Variants in FSCN3 observed in about 807,000 individuals in gnomAD.
FSCN3 encodes fascin-3.
A neutral mutation model predicts 53.5 loss-of-function variants in FSCN3; 43 were observed. The ratio of observed to expected loss-of-function variants is 0.80; its 90% CI spans 0.63 to 1.04. The LOEUF is 1.04. Among genes scored for constraint, FSCN3 ranks in the 50% least tolerant of loss-of-function variants. FSCN3 has a pLI of 0.00. For synonymous variants in FSCN3, 235 were observed against 246.6 expected (o/e 0.95, Z 0.44); for missense variants, 594 against 646.5 (o/e 0.92, Z 0.88).
intron 6 of FSCN3, 116 bp downstream of exon 6, chr7:127,600,515 T>C (rs1173384765): frequency 3.1e-6 from 2 of 636,754 alleles, no homozygotes; most frequent in African/African-American, 1.8e-5. Flanking sequence ...CCAGGCTGAC[T>C]TCTGTCCCAT....
At chr7:127,598,617 C>G in intron 4 of FSCN3, 23 bp downstream of exon 4, 2 of 1,571,186 alleles carry the variant, frequency 1.3e-6, no homozygotes, top group Non-Finnish European at 1.7e-6. Context: ...GCCTTCCTGC[C>G]AGATGATTCC....
At position 127,599,524 on chromosome 7, in the gene FSCN3, T is replaced by C. The variant is rs761269365; in HGVS notation, c.1264T>C (p.Cys422Arg). The stretch of plus-strand genomic sequence containing the variant: ...GCCCGACCGCATTCATCTACTACCC[T>C]GCCGACCGGGTATCTACCACTTCCA... ...DQPDRIHLLP[C>R]RPGIYHFQAQ... The change falls in exon 5 of 7, where the codon TGC becomes CGC. Residue 422 changes from cysteine to arginine, a missense_variant. Cys to Arg is a radical substitution (Grantham distance 180). Coordinates refer to ENST00000265825, the MANE Select transcript of FSCN3 (RefSeq NM_020369.3). The C allele has an allele frequency of 6.2e-7, 1 of 1,614,076 alleles. No homozygotes were observed. The highest frequency in any genetic ancestry group is 8.5e-7 in the Non-Finnish European group (1 of 1,179,966).
rs767140639 is a variant in FSCN3, at chr7:127,595,913, A to G, written c.751A>G (p.Met251Val). ...HLLLGMGCNP[M>V]RGEEWFILQH... ...GCTCTTGGGCATGGGCTGCAACCCC[A>G]TGAGGGGTGAGGAGTGGTTCATCCT... Residue 251 changes from methionine to valine, a missense_variant, in exon 2 of 7, where the codon ATG (methionine) becomes GTG (valine). Met to Val is a conservative substitution (Grantham distance 21, BLOSUM62 1). Transcript: ENST00000265825. The G allele has an allele frequency of 1.2e-6, 2 of 1,611,926 alleles. No homozygotes were observed. The highest frequency in any genetic ancestry group is 1.7e-4 in the Middle Eastern group (1 of 6,052).
intron 2 of FSCN3, 94 bp downstream of exon 2, chr7:127,596,097 C>G: frequency 6.7e-7 from 1 of 1,484,020 alleles, no homozygotes; most frequent in Non-Finnish European, 8.9e-7. Context: ...TTTGAGTCTG[C>G]TAATAAGGAA....
chr7:127,601,206 G>C (rs73720863), intron 6 of FSCN3, among the ~76,000 whole-genome samples: 10,953 of 152,130 alleles, frequency 0.072, 1,173 homozygotes, highest in African/African-American at 0.23. Flanking sequence ...TGCTTCTAGG[G>C]CTCCCCGAAA....
At chr7:127,595,248 T>C (rs1794367820) in intron 1 of FSCN3, 59 bp from the exon 2 acceptor site, 2 of 1,478,502 alleles carry the variant, frequency 1.4e-6, no homozygotes, top group African/African-American at 2.8e-5. Context: ...GTTGCAGGGC[T>C]CCTTGGTCTG....
At chr7:127,597,744 C>T (rs191050107) in intron 3 of FSCN3, among the ~76,000 whole-genome samples, 22 of 152,294 alleles carry the variant, frequency 1.4e-4, no homozygotes, top group African/African-American at 5.3e-4. Flanking sequence ...TCCCAAAGTG[C>T]TGGGATTACA....
intron 1 of FSCN3, chr7:127,594,453 C>T (rs1235552772): frequency 4.3e-6 from 2 of 470,232 alleles, no homozygotes; most frequent in Non-Finnish European, 8.8e-6. Context: ...CTTGCCCTTG[C>T]TGCCTTGTCC....
rs781774563 is a variant in FSCN3 at position 127,595,574 on chromosome 7, C to G, written c.412C>G (p.Pro138Ala). Residue 138 changes from proline (P) to alanine (A), a missense_variant, in exon 2 of 7, where the codon CCC becomes GCC. Physicochemically the swap from Pro to Ala is conservative, Grantham distance 27. Coordinates refer to ENST00000265825, the MANE Select transcript of FSCN3 (RefSeq NM_020369.3). Reference protein sequence around the residue: ...HVLSAYHMWTPRPALHVHVIL... With the variant: ...HVLSAYHMWTARPALHVHVIL... ...CCTCTCAGCTTACCACATGTGGACC[C>G]CCCGACCAGCCCTCCATGTCCACGT... is the stretch of plus-strand genomic sequence containing the variant. The G allele has an allele frequency of 1.9e-6, 3 of 1,614,162 alleles. No homozygotes were observed. The highest frequency in any genetic ancestry group is 2.5e-6 in the Non-Finnish European group (3 of 1,180,004).
rs376914564 is a variant in FSCN3 at position 127,596,003 on chromosome 7, G to A, written c.841G>A (p.Asp281Asn). Residue 281 changes from aspartate to asparagine, a missense_variant and splice_region_variant, in exon 2 of 7, where the codon GAT becomes AAT. Asp to Asn is a conservative substitution (Grantham distance 23). Coordinates refer to ENST00000265825, the MANE Select transcript of FSCN3 (RefSeq NM_020369.3). ...TGGGCGGTTCATCTCAGTCATCTAC[G>A]GCAAGTGCTGGACCCAACACAGATG... Reference protein sequence around the residue: ...KTGRFISVIYDGEVRAASERL... With the variant: ...KTGRFISVIYNGEVRAASERL... 10 of 1,543,882 alleles carry A rather than the reference G, an allele frequency of 6.5e-6. No individual in the cohort carries two copies. Among genetic ancestry groups the A allele is most frequent in the South Asian group, 5.0e-5 (4 of 79,252 alleles).
chr7:127,596,520 T>C (rs1587540974), intron 3 of FSCN3, 74 bp downstream of exon 3: 5 of 670,674 alleles, frequency 7.5e-6, no homozygotes, highest in Non-Finnish European at 5.3e-6. Flanking sequence ...CTTCTCCTTT[T>C]TCAAGGCAAA....
At chr7:127,595,046 TG>T (rs1215938643) in intron 1 of FSCN3, 135 of 577,448 alleles carry the variant, frequency 2.3e-4, no homozygotes, top group Non-Finnish European at 3.7e-4. Context: ...TTCTGTTAGC[TG>T]AAGGAGGTAG....
rs748609905 is a variant in FSCN3 at position 127,595,393 on chromosome 7, G to A, written c.231G>A (p.Glu77=). Residue 77 remains glutamate, a synonymous_variant, in exon 2 of 7, where the codon GAG becomes GAA. Coordinates refer to ENST00000265825, the MANE Select transcript of FSCN3 (RefSeq NM_020369.3). ...KSVQGLYLLC[E]CDGTVCYGRP... Reference sequence around the variant, plus strand: ...TGCAGGGCCTCTACCTGCTGTGTGAGTGTGATGGCACCGTGTGTTATGGCC... The same window carrying A: ...TGCAGGGCCTCTACCTGCTGTGTGAATGTGATGGCACCGTGTGTTATGGCC... 1.9e-6 allele frequency: 3 copies of A among 1,614,208 alleles called. No homozygotes were observed. The highest frequency in any genetic ancestry group is 2.2e-5 in the East Asian group (1 of 44,892).
rs1328219351 is a variant in FSCN3 at position 127,601,632 on chromosome 7, A to T, written c.*10A>T. 1 of 152,178 alleles carries T rather than the reference A, an allele frequency of 6.6e-6. No homozygotes were observed. Among genetic ancestry groups the T allele is most frequent in the Admixed American group, 6.5e-5 (1 of 15,270 alleles). The allele number at this position is 152,178 out of a possible 1,614,324, so 9.4% of individuals were successfully genotyped here. A position where few individuals can be genotyped will look rare whatever the true frequency, so the allele number is the denominator to read the frequency against. On this transcript the variant is annotated 3_prime_UTR_variant, in exon 7 of 7. Transcript: ENST00000265825. ...CCTCTTTCCTCTCCAGGTCAATGGGATGTCACCTACCAAAATCCAAATCCT... is the reference window on the plus strand; with the variant it reads ...CCTCTTTCCTCTCCAGGTCAATGGGTTGTCACCTACCAAAATCCAAATCCT...
intron 3 of FSCN3, 162 bp downstream of exon 3, chr7:127,596,608 A>C: frequency 2.3e-6 from 1 of 428,812 alleles, no homozygotes; most frequent in Non-Finnish European, 4.2e-6. Context: ...TCCTTTAAAA[A>C]AAAAAAACAA....
At chr7:127,599,990 T>A (rs558015336) in intron 5 of FSCN3, among the ~76,000 whole-genome samples, 1 of 150,786 alleles carries the variant, frequency 6.6e-6, no homozygotes, top group African/African-American at 2.4e-5. Context: ...GTTTTCACAC[T>A]TCAAAGCCCC....
rs562625706 is a variant in FSCN3, at chr7:127,596,449, G to A, written c.960+3G>A. ...CCAATGGCTACTACCTATCCCAGGT[G>A]AGACCTTGGCTTCCTGAGCAAGAGA... On this transcript the variant is annotated splice_donor_region_variant and intron_variant, in intron 3 of 6. Coordinates refer to ENST00000265825, the MANE Select transcript of FSCN3 (RefSeq NM_020369.3). 2 of 1,401,240 alleles carry A rather than the reference G, an allele frequency of 1.4e-6. No individual in the cohort carries two copies. The highest frequency in any genetic ancestry group is 4.6e-5 in the East Asian group (2 of 43,682). The allele number at this position is 1,401,240 out of a possible 1,614,324, so 86.8% of individuals were successfully genotyped here.
At chr7:127,598,405 C>T (rs758749806) in intron 3 of FSCN3, 30 bp from the exon 4 acceptor site, 2 of 1,604,638 alleles carry the variant, frequency 1.2e-6, no homozygotes, top group South Asian at 2.2e-5. Context: ...AGTCCTTACT[C>T]CTCATCTCTG....
rs754075518 is a variant in FSCN3 at position 127,598,469 on chromosome 7, C to T, written c.995C>T (p.Pro332Leu). ...AGGGCAGTAATGGCTGATGGGCACC[C>T]CCTGGAGTCTGACACGTTCTTCCGA... ...RHRAVMADGH[P>L]LESDTFFRMH... The change falls in exon 4 of 7, where the codon CCC becomes CTC. Residue 332 changes from proline to leucine, a missense_variant. Coordinates refer to ENST00000265825, the MANE Select transcript of FSCN3 (RefSeq NM_020369.3). 1 of 1,614,088 alleles carries T rather than the reference C, an allele frequency of 6.2e-7. No individual in the cohort carries two copies.
Sources: gnomAD v4.1 joint callset for allele counts (sites outside exome capture counted in the v4.1 genomes callset) on GRCh38, gnomAD v4.1.1 for gene constraint, MANE v1.5 for transcripts, NCBI Gene and HGNC (gene_info 2026-07-23, HGNC 2026-07-21) for gene names.